PRKCQ: variants seen among roughly 807,000 people sequenced by gnomAD.
PRKCQ encodes the protein protein kinase C theta.
Under a neutral mutation model 91.2 loss-of-function variants are expected in PRKCQ, and 41 were observed. The ratio of observed to expected loss-of-function variants is 0.45; its 90% CI spans 0.35 to 0.58. The LOEUF (loss-of-function observed/expected upper bound fraction) is 0.58. Among genes scored for constraint, PRKCQ ranks in the 20% least tolerant of loss-of-function variants. The pLI is 0.00. For synonymous variants in PRKCQ, 307 were observed against 316.9 expected, an observed-to-expected ratio of 0.97 and a Z score of 0.33; for missense variants, 673 against 896.5, an observed-to-expected ratio of 0.75 and a Z score of 3.18.
chr10:6,475,987 G>A (rs747397509), intron 12 of PRKCQ, among the ~76,000 whole-genome samples: 1 of 152,020 alleles, frequency 6.6e-6, no homozygotes, highest in Non-Finnish European at 1.5e-5. Context: ...CCAATGCTGT[G>A]GATGCACTTG....
intron 1 of PRKCQ, among the ~76,000 whole-genome samples, chr10:6,515,678 T>C (rs1838723275): frequency 6.6e-6 from 1 of 152,218 alleles, no homozygotes; most frequent in Non-Finnish European, 1.5e-5. Flanking sequence ...CAAAAAGGTC[T>C]GCTTTCTTCA....
chr10:6,487,038 C>G (rs116682899), intron 8 of PRKCQ, among the ~76,000 whole-genome samples: 1 of 152,182 alleles, frequency 6.6e-6, no homozygotes, highest in Non-Finnish European at 1.5e-5. Flanking sequence ...CATAAAGCCA[C>G]AGGCTTCACC....
At chr10:6,441,384 C>T (rs996399451) in intron 16 of PRKCQ, among the ~76,000 whole-genome samples, 8 of 152,120 alleles carry the variant, frequency 5.3e-5, no homozygotes, top group Non-Finnish European at 1.0e-4. Flanking sequence ...TCAGGTGATC[C>T]GCTCACCTTG....
At chr10:6,571,170 T>A (rs1841031884) in intron 1 of PRKCQ, among the ~76,000 whole-genome samples, 1 of 151,688 alleles carries the variant, frequency 6.6e-6, no homozygotes, top group Non-Finnish European at 1.5e-5. Flanking sequence ...GAGCGGCGTG[T>A]TTTCCGGGAG....
At chr10:6,451,490 C>T (rs568123370) in intron 15 of PRKCQ, among the ~76,000 whole-genome samples, 16 of 152,260 alleles carry the variant, frequency 1.1e-4, no homozygotes, top group South Asian at 2.1e-4. Context: ...CCGAATTCTA[C>T]CAGAGGTACA....
chr10:6,553,382 C>T (rs557041563), intron 1 of PRKCQ, among the ~76,000 whole-genome samples: 18 of 151,558 alleles, frequency 1.2e-4, no homozygotes, highest in African/African-American at 4.1e-4. Flanking sequence ...CCCAGGTACT[C>T]AGGAGGCTGA....
chr10:6,569,694 T>C (rs975200035), intron 1 of PRKCQ, among the ~76,000 whole-genome samples: 9 of 151,664 alleles, frequency 5.9e-5, no homozygotes, highest in African/African-American at 9.7e-5. Flanking sequence ...GTGAATAAAA[T>C]TGGTTTGGGG....
chr10:6,484,259 A>G (rs1404835181), intron 10 of PRKCQ, among the ~76,000 whole-genome samples: 1 of 152,138 alleles, frequency 6.6e-6, no homozygotes, highest in Non-Finnish European at 1.5e-5. Context: ...ACTAAAATAC[A>G]AAGAATTCGC....
At chr10:6,451,091 G>T (rs1191768213) in intron 15 of PRKCQ, among the ~76,000 whole-genome samples, 2 of 150,974 alleles carry the variant, frequency 1.3e-5, no homozygotes, top group East Asian at 3.9e-4. Flanking sequence ...CAGAACTGAA[G>T]GAAATAGAGA....
intron 12 of PRKCQ, among the ~76,000 whole-genome samples, chr10:6,466,100 C>A (rs911514450): frequency 6.6e-6 from 1 of 152,220 alleles, no homozygotes; most frequent in African/African-American, 2.4e-5. Flanking sequence ...TAAGTAGTCA[C>A]GAGAGCAAAG....
At chr10:6,449,610 C>T (rs1256819483) in intron 15 of PRKCQ, among the ~76,000 whole-genome samples, 4 of 151,868 alleles carry the variant, frequency 2.6e-5, no homozygotes, top group Non-Finnish European at 5.9e-5. Flanking sequence ...TCGAGAAGAG[C>T]GACTCCAAGA....
chr10:6,438,105 AGAAAGT>A, intron 16 of PRKCQ, among the ~76,000 whole-genome samples: 1 of 152,370 alleles, frequency 6.6e-6, no homozygotes, highest in Admixed American at 6.5e-5. Flanking sequence ...GATCATAGTC[AGAAAGT>A]GAAAGCTGAA....
At chr10:6,566,909 T>C (rs1840857249) in intron 1 of PRKCQ, among the ~76,000 whole-genome samples, 1 of 152,124 alleles carries the variant, frequency 6.6e-6, no homozygotes, top group South Asian at 2.1e-4. Flanking sequence ...TATTAATGAT[T>C]AGGGCCTAAA....
rs1210016069 is a variant in PRKCQ at position 6,515,537 on chromosome 10, T to C, written c.-9-393A>G. The C allele has an allele frequency of 3.1e-6, 3 of 980,460 alleles. No homozygotes were observed. The African/African-American group carries it at 5.3e-5, about 17-fold the overall frequency. 60.7% of individuals were successfully genotyped at this position (980,460 alleles called of 1,614,324 possible). On this transcript the variant is annotated intron_variant, in intron 1 of 17. Transcript: ENST00000263125. ...ACACAGTAATCAGAAAATGAGTTTATATAGAGCGAGTCTATTTTAGTCACA... is the reference window on the plus strand; with the variant it reads ...ACACAGTAATCAGAAAATGAGTTTACATAGAGCGAGTCTATTTTAGTCACA...
At chr10:6,476,287 A>G (rs914762378) in intron 12 of PRKCQ, among the ~76,000 whole-genome samples, 1 of 150,246 alleles carries the variant, frequency 6.7e-6, no homozygotes, top group African/African-American at 2.5e-5. Context: ...TCCCCGTAAG[A>G]CATGAAAACT....
intron 12 of PRKCQ, among the ~76,000 whole-genome samples, chr10:6,470,067 G>T (rs1026739606): frequency 6.6e-6 from 1 of 152,102 alleles, no homozygotes; most frequent in Non-Finnish European, 1.5e-5. Context: ...GAAGATTTCT[G>T]TATCACCACT....
downstream of PRKCQ, among the ~76,000 whole-genome samples, chr10:6,422,180 C>T (rs1833022777): frequency 6.6e-6 from 1 of 152,112 alleles, no homozygotes; most frequent in East Asian, 1.9e-4. Flanking sequence ...AATAATAATA[C>T]TATGTTAGTG....
intron 15 of PRKCQ, among the ~76,000 whole-genome samples, chr10:6,451,934 A>G (rs1456822753): frequency 3.3e-5 from 5 of 152,240 alleles, no homozygotes; most frequent in Non-Finnish European, 5.9e-5. Flanking sequence ...TCTCAAAATC[A>G]TAAGAGCTAT....
intron 1 of PRKCQ, among the ~76,000 whole-genome samples, chr10:6,531,023 T>C (rs1476828626): frequency 6.9e-6 from 1 of 144,274 alleles, no homozygotes; most frequent in Non-Finnish European, 1.5e-5. Context: ...AAAGGACATC[T>C]GTACTCTCAC....
Sources: gnomAD v4.1 joint callset for allele counts (sites outside exome capture counted in the v4.1 genomes callset) on GRCh38, gnomAD v4.1.1 for gene constraint, MANE v1.5 for transcripts, NCBI Gene and HGNC (gene_info 2026-07-23, HGNC 2026-07-21) for gene names.